The following TXN variants were observed in gnomAD, a reference collection of about 807,000 sequenced individuals.
The protein encoded by TXN is ADF.
TXN carries 10 observed loss-of-function variants against 16.5 expected under a neutral mutation model. That is an observed-to-expected ratio of 0.61 (90% CI 0.37 to 1.03). The LOEUF is 1.03. Among genes scored for constraint, TXN ranks in the 50% least tolerant of loss-of-function variants. TXN has a pLI of 0.01. For synonymous variants in TXN, 35 were observed against 39.4 expected, an observed-to-expected ratio of 0.89 and a Z score of 0.42; for missense variants, 71 against 122.5, an observed-to-expected ratio of 0.58 and a Z score of 1.98.
At chr9:110,253,567 T>G (rs868596840) in intron 1 of TXN, among the ~76,000 whole-genome samples, 1 of 152,292 alleles carries the variant, frequency 6.6e-6, no homozygotes, top group African/African-American at 2.4e-5. Flanking sequence ...TGATTAACCC[T>G]TATTAAAAAC....
intron 3 of TXN, among the ~76,000 whole-genome samples, chr9:110,248,317 C>T (rs911974838): frequency 6.6e-6 from 1 of 152,186 alleles, no homozygotes; most frequent in Non-Finnish European, 1.5e-5. Context: ...CTGCAAGTCC[C>T]GTTTATGGCA....
chr9:110,244,400 T>C (rs916103083), intron 4 of TXN, among the ~76,000 whole-genome samples, 181 bp from the exon 5 acceptor site: 2 of 147,578 alleles, frequency 1.4e-5, no homozygotes, highest in African/African-American at 5.0e-5. Flanking sequence ...AGAAGTATAA[T>C]CTTATTTAAA....
In TXN at chr9:110,243,912, T is replaced by TAATC. The variant is rs1837611284; in HGVS notation, c.*241_*244dup. The TAATC allele has an allele frequency of 8.7e-6, 2 of 231,100 alleles. No homozygotes were observed. The highest frequency in any genetic ancestry group is 1.7e-5 in the Non-Finnish European group (2 of 119,200). 14.3% of individuals were successfully genotyped at this position (231,100 alleles called of 1,614,324 possible). On this transcript the variant is annotated 3_prime_UTR_variant, in exon 5 of 5. Coordinates refer to ENST00000374517, the MANE Select transcript of TXN (RefSeq NM_003329.4). ...AATAATAATTTTTAAAATCTTAAAATAATCAGTGGCCTACAAGGTTACTAA... is the reference window on the plus strand; with the variant it reads ...AATAATAATTTTTAAAATCTTAAAATAATCAATCAGTGGCCTACAAGGTTACTAA...
At chr9:110,253,336 T>C (rs964210172) in intron 1 of TXN, among the ~76,000 whole-genome samples, 1 of 152,010 alleles carries the variant, frequency 6.6e-6, no homozygotes, top group African/African-American at 2.4e-5. Context: ...CCTCTAGAGG[T>C]GGAGACATGG....
chr9:110,256,294 G>T lies in TXN; in HGVS notation c.24+118C>A. 33 of 1,054,594 alleles carry T rather than the reference G, an allele frequency of 3.1e-5. No individual in the cohort carries two copies. Among genetic ancestry groups the T allele is most frequent in the Non-Finnish European group, 4.2e-5 (30 of 715,268 alleles). The allele number at this position is 1,054,594 out of a possible 1,614,324, so 65.3% of individuals were successfully genotyped here. A position where few individuals can be genotyped will look rare whatever the true frequency, so the allele number is the denominator to read the frequency against. ...CGCCGCGTCCCTTTCCCCTGGCGAT[G>T]CGGAGGGGCGGCCTCCGCACCTCCC... On this transcript the variant is annotated intron_variant, in intron 1 of 4. Coordinates refer to ENST00000374517, the MANE Select transcript of TXN (RefSeq NM_003329.4). This position sits in a 1 kb window ranked among gnomAD's most constrained non-coding sequence, Gnocchi z 4.2.
intron 3 of TXN, among the ~76,000 whole-genome samples, chr9:110,245,891 C>T (rs940995252): frequency 6.6e-6 from 1 of 151,310 alleles, no homozygotes; most frequent in Admixed American, 6.6e-5. Flanking sequence ...ACGGAGAAAC[C>T]CCATCTCTAC....
chr9:110,248,810 C>T (rs908285199), intron 3 of TXN, among the ~76,000 whole-genome samples: 3 of 152,024 alleles, frequency 2.0e-5, no homozygotes, highest in African/African-American at 7.2e-5. Context: ...TGGCATCTGG[C>T]ACCTATTATT....
rs546065926 is a variant in TXN, at chr9:110,244,057, T to C, written c.*100A>G. 366 of 537,886 alleles carry C rather than the reference T, an allele frequency of 6.8e-4. No homozygotes were observed. The highest frequency in any genetic ancestry group is 1.0e-3 in the Non-Finnish European group (343 of 338,758). The allele number at this position is 537,886 out of a possible 1,614,324, so 33.3% of individuals were successfully genotyped here. A position where few individuals can be genotyped will look rare whatever the true frequency, so the allele number is the denominator to read the frequency against. On this transcript the variant is annotated 3_prime_UTR_variant, in exon 5 of 5. Coordinates refer to ENST00000374517, the MANE Select transcript of TXN (RefSeq NM_003329.4). ...CATTAATGTTTTATTGTCACGCAGATGGCAACTGGGTTTATGTCTTCATAT... is the reference window on the plus strand; with the variant it reads ...CATTAATGTTTTATTGTCACGCAGACGGCAACTGGGTTTATGTCTTCATAT...
At chr9:110,251,229 C>A in intron 2 of TXN, 129 bp downstream of exon 2, 1 of 726,124 alleles carries the variant, frequency 1.4e-6, no homozygotes. Context: ...TACTTTTAGA[C>A]CAAAGATCCA....
rs4135177 is a variant in TXN at position 110,253,803 on chromosome 9, T to C, written c.25-2341A>G. The stretch of plus-strand genomic sequence containing the variant: ...GTATCAGCTTGAAAATTATTCAAGA[T>C]TGTATTACTAAGAAGAAATCACAAT... On this transcript the variant is annotated intron_variant, in intron 1 of 4. Transcript: ENST00000374517. 2.2e-3 allele frequency among the ~76,000 whole-genome samples: 342 copies of C among 152,316 alleles called. 3 individuals are homozygous for C. The highest frequency in any genetic ancestry group is 7.9e-3 in the African/African-American group (329 of 41,570).
intron 3 of TXN, among the ~76,000 whole-genome samples, chr9:110,248,449 G>C (rs1837684729): frequency 6.6e-6 from 1 of 152,170 alleles, no homozygotes; most frequent in South Asian, 2.1e-4. Flanking sequence ...ATTCAGTACA[G>C]TAACATGCCT....
At chr9:110,253,952 A>G (rs2118582241) in intron 1 of TXN, among the ~76,000 whole-genome samples, 1 of 152,350 alleles carries the variant, frequency 6.6e-6, no homozygotes, top group East Asian at 1.9e-4. Flanking sequence ...CGTTGCCTCA[A>G]CATACCTACT....
chr9:110,255,948 C>G (rs999341272), intron 1 of TXN, among the ~76,000 whole-genome samples: 2 of 152,202 alleles, frequency 1.3e-5, no homozygotes, highest in African/African-American at 2.4e-5. Flanking sequence ...CCTCCCTATC[C>G]TTGCCTGGGG....
chr9:110,253,834 GC>G (rs1191952210), intron 1 of TXN, among the ~76,000 whole-genome samples: 1 of 152,096 alleles, frequency 6.6e-6, no homozygotes, highest in Non-Finnish European at 1.5e-5. Context: ...ACAATTTCTA[GC>G]TCCCAGAAAC....
intron 1 of TXN, among the ~76,000 whole-genome samples, chr9:110,251,715 ATTCTC>A (rs1837741105): frequency 6.6e-6 from 1 of 151,992 alleles, no homozygotes; most frequent in Non-Finnish European, 1.5e-5. Context: ...GTATACTGAC[ATTCTC>A]TTCATAACTA....
intron 4 of TXN, 32 bp downstream of exon 4, chr9:110,244,746 C>T: frequency 6.3e-7 from 1 of 1,575,168 alleles, no homozygotes; most frequent in Non-Finnish European, 8.7e-7. Flanking sequence ...TCCTATTGCC[C>T]AGTTAGAGTT....
At chr9:110,250,715 A>G in intron 3 of TXN, 105 bp downstream of exon 3, 2 of 941,284 alleles carry the variant, frequency 2.1e-6, no homozygotes, top group South Asian at 3.0e-5. Flanking sequence ...ATAGGATTAC[A>G]GTTCTAGAAT....
intron 1 of TXN, among the ~76,000 whole-genome samples, chr9:110,254,522 C>G (rs541398326): frequency 3.3e-4 from 50 of 152,308 alleles, no homozygotes; most frequent in African/African-American, 1.1e-3. Flanking sequence ...AACTCCATCT[C>G]GAAAAACAAA....
chr9:110,244,322 T>C (rs968366565), intron 4 of TXN, 103 bp from the exon 5 acceptor site: 11 of 319,884 alleles, frequency 3.4e-5, no homozygotes, highest in Non-Finnish European at 5.0e-5. Context: ...TATACATATG[T>C]ATATATATAC....
Sources: gnomAD v4.1 joint callset for allele counts (sites outside exome capture counted in the v4.1 genomes callset) on GRCh38, gnomAD v4.1.1 for gene constraint, Gnocchi (gnomAD v3.1) non-coding constraint, MANE v1.5 for transcripts, NCBI Gene and HGNC (gene_info 2026-07-23, HGNC 2026-07-21) for gene names.